Variants in CDH13 observed in about 807,000 individuals in gnomAD.
The protein encoded by CDH13 is cadherin 13.
A neutral mutation model predicts 63.8 loss-of-function variants in CDH13; 24 were observed. The ratio of observed to expected loss-of-function variants is 0.38; its 90% CI spans 0.27 to 0.53. The LOEUF (loss-of-function observed/expected upper bound fraction) is 0.53. Among genes scored for constraint, CDH13 ranks in the 20% least tolerant of loss-of-function variants. The pLI, the probability that CDH13 is intolerant of heterozygous loss-of-function variation, is 0.85. For synonymous variants in CDH13, 503 were observed against 355.3 expected, an observed-to-expected ratio of 1.42 and a Z score of -4.67; for missense variants, 1,049 against 903.1, an observed-to-expected ratio of 1.16 and a Z score of -2.07.
At chr16:83,519,989 A>C (rs892451000) in intron 7 of CDH13, among the ~76,000 whole-genome samples, 3 of 152,154 alleles carry the variant, frequency 2.0e-5, no homozygotes, top group African/African-American at 7.2e-5. Context: ...GCAAATAAAG[A>C]TCTCATATTC....
chr16:83,505,728 A>C (rs2074381251), intron 7 of CDH13, among the ~76,000 whole-genome samples: 1 of 151,660 alleles, frequency 6.6e-6, no homozygotes, highest in Admixed American at 6.6e-5. Context: ...TTTTTAGTAG[A>C]GACGGTGTTT....
intron 2 of CDH13, among the ~76,000 whole-genome samples, chr16:83,030,703 G>A (rs947437055): frequency 7.0e-5 from 10 of 141,912 alleles, no homozygotes; most frequent in Non-Finnish European, 1.2e-4. Context: ...TCCTTGAGAA[G>A]CACTCCTCTT....
In CDH13 at chr16:83,116,140, C is replaced by T. The variant is rs116369239; in HGVS notation, c.367-9245C>T. On this transcript the variant is annotated intron_variant, in intron 3 of 13. Coordinates refer to ENST00000567109, the MANE Select transcript of CDH13 (RefSeq NM_001257.5). The stretch of plus-strand genomic sequence containing the variant: ...GAGTGCGGTCCCAGCTGTAGAATGC[C>T]AGTCTGGCAGACATAACAAAAGTGA... 4.4e-3 allele frequency among the ~76,000 whole-genome samples: 674 copies of T among 152,336 alleles called. 5 individuals carry two copies. The highest frequency in any genetic ancestry group is 0.015 in the African/African-American group (643 of 41,580).
At chr16:82,700,885 C>G (rs2030901981) in intron 1 of CDH13, among the ~76,000 whole-genome samples, 1 of 135,068 alleles carries the variant, frequency 7.4e-6, no homozygotes, top group African/African-American at 2.7e-5. Flanking sequence ...TCTAAATCTA[C>G]AAAGAAAAGG....
chr16:83,455,628 T>C (rs139625647), intron 6 of CDH13, among the ~76,000 whole-genome samples: 1 of 152,310 alleles, frequency 6.6e-6, no homozygotes, highest in Non-Finnish European at 1.5e-5. Context: ...CTTTCTGGTA[T>C]CCGTCAATCC....
At chr16:83,173,085 C>A (rs941819983) in intron 4 of CDH13, among the ~76,000 whole-genome samples, 2 of 152,102 alleles carry the variant, frequency 1.3e-5, no homozygotes, top group Non-Finnish European at 2.9e-5. Flanking sequence ...ATTCACAAAG[C>A]AGTTACCCTG....
At chr16:83,564,902 C>G (rs1472897931) in intron 7 of CDH13, among the ~76,000 whole-genome samples, 1 of 152,116 alleles carries the variant, frequency 6.6e-6, no homozygotes, top group African/African-American at 2.4e-5. Context: ...ATGCTGTAAA[C>G]TGTTGTTGTT....
intron 1 of CDH13, among the ~76,000 whole-genome samples, chr16:82,762,584 C>A (rs1597499069): frequency 6.6e-6 from 1 of 152,298 alleles, no homozygotes; most frequent in East Asian, 1.9e-4. Context: ...CTGCACTTCT[C>A]CCCATCTTGG....
chr16:82,732,741 A>G (rs2033469033), intron 1 of CDH13, among the ~76,000 whole-genome samples: 1 of 152,148 alleles, frequency 6.6e-6, no homozygotes, highest in Non-Finnish European at 1.5e-5. Context: ...TTATTCATAC[A>G]TATTTACTAT....
At chr16:83,233,745 C>G (rs1168737423) in intron 5 of CDH13, among the ~76,000 whole-genome samples, 3 of 152,184 alleles carry the variant, frequency 2.0e-5, no homozygotes, top group Non-Finnish European at 1.5e-5. Flanking sequence ...TTGGGCCCAT[C>G]TACATAATCC....
At chr16:83,574,753 A>G (rs866773047) in intron 7 of CDH13, among the ~76,000 whole-genome samples, 1 of 152,192 alleles carries the variant, frequency 6.6e-6, no homozygotes, top group Non-Finnish European at 1.5e-5. Flanking sequence ...ATTCCCATGT[A>G]ACAACAACTT....
intron 1 of CDH13, among the ~76,000 whole-genome samples, chr16:82,637,155 G>A (rs1908755691): frequency 6.6e-6 from 1 of 152,176 alleles, no homozygotes; most frequent in Non-Finnish European, 1.5e-5. Context: ...GTCTAATTGG[G>A]CCCTGTAAAA....
chr16:82,948,032 G>C (rs556844039), intron 2 of CDH13, among the ~76,000 whole-genome samples: 1 of 152,138 alleles, frequency 6.6e-6, no homozygotes, highest in Non-Finnish European at 1.5e-5. Context: ...ATGTAACATG[G>C]TAATTTAATA....
intron 1 of CDH13, among the ~76,000 whole-genome samples, chr16:82,685,709 G>A (rs111618070): frequency 4.6e-5 from 7 of 152,146 alleles, no homozygotes; most frequent in African/African-American, 1.7e-4. Flanking sequence ...GTTCAACCCC[G>A]CCTGGCTCAG....
intron 6 of CDH13, among the ~76,000 whole-genome samples, chr16:83,437,672 G>T (rs1283426792): frequency 6.6e-6 from 1 of 151,774 alleles, no homozygotes; most frequent in Non-Finnish European, 1.5e-5. Flanking sequence ...GCAAGATCCT[G>T]TTCCAAAAAA....
chr16:83,461,379 G>GGAT (rs1479349039), intron 6 of CDH13, among the ~76,000 whole-genome samples: 1 of 152,074 alleles, frequency 6.6e-6, no homozygotes, highest in Non-Finnish European at 1.5e-5. Flanking sequence ...AGCAGGTGAG[G>GGAT]GATGATGATG....
At chr16:83,510,068 G>C (rs575170461) in intron 7 of CDH13, among the ~76,000 whole-genome samples, 1 of 152,278 alleles carries the variant, frequency 6.6e-6, no homozygotes, top group African/African-American at 2.4e-5. Context: ...GTGATTCCTT[G>C]ACTCAGCCCA....
chr16:82,720,503 C>A (rs1427193926), intron 1 of CDH13, among the ~76,000 whole-genome samples: 1 of 152,060 alleles, frequency 6.6e-6, no homozygotes, highest in African/African-American at 2.4e-5. Flanking sequence ...TCGCAGGGCA[C>A]ACTTACACCC....
chr16:83,112,470 T>A (rs1327079654), intron 3 of CDH13, among the ~76,000 whole-genome samples: 1 of 152,220 alleles, frequency 6.6e-6, no homozygotes, highest in African/African-American at 2.4e-5. Flanking sequence ...AGGTGGTATT[T>A]TTCTATTTGG....
Sources: allele counts gnomAD v4.1 joint callset (sites outside exome capture counted in the v4.1 genomes callset), GRCh38; gene constraint gnomAD v4.1.1; transcripts MANE v1.5; gene names NCBI Gene and HGNC (gene_info 2026-07-23, HGNC 2026-07-21).